Variants in ZNF227 observed in about 807,000 individuals in gnomAD.
ZNF227 encodes zinc finger protein 227.
Under a neutral mutation model 13.2 loss-of-function variants are expected in ZNF227, and 12 were observed. The observed-to-expected ratio is 0.91, with a 90% CI of 0.58 to 1.47. The LOEUF (loss-of-function observed/expected upper bound fraction) is 1.47. Among genes scored for constraint, ZNF227 ranks in the 40% most tolerant of loss-of-function variants. The pLI, the probability that ZNF227 is intolerant of heterozygous loss-of-function variation, is 0.00. For synonymous variants in ZNF227, 338 were observed against 326.0 expected, an observed-to-expected ratio of 1.04 and a Z score of -0.40; for missense variants, 885 against 967.5, an observed-to-expected ratio of 0.91 and a Z score of 1.13.
chr19:44,233,882 G>A (rs994680081), intron 5 of ZNF227, among the ~76,000 whole-genome samples: 7 of 151,880 alleles, frequency 4.6e-5, no homozygotes, highest in African/African-American at 2.4e-5. Context: ...GCGACAGAGC[G>A]AGACGCTGTT....
intron 5 of ZNF227, among the ~76,000 whole-genome samples, chr19:44,231,238 C>T (rs151189612): frequency 3.3e-5 from 5 of 151,630 alleles, no homozygotes; most frequent in South Asian, 2.1e-4. Context: ...CCTCAGCCTC[C>T]GAAGTTACTG....
chr19:44,221,880 GT>G (rs1234816081), intron 3 of ZNF227, among the ~76,000 whole-genome samples: 1 of 152,060 alleles, frequency 6.6e-6, no homozygotes, highest in African/African-American at 2.4e-5. Flanking sequence ...TTCTTCTAGG[GT>G]TTTTATGGTT....
chr19:44,235,731 A>G lies in ZNF227; in HGVS notation c.1301A>G (p.Lys434Arg). The G allele has an allele frequency of 1.2e-6, 2 of 1,614,146 alleles. No homozygotes were observed. Among genetic ancestry groups the G allele is most frequent in the Non-Finnish European group, 1.7e-6 (2 of 1,180,024 alleles). ...CATCAGAGAGTCCACACTGGAGAGA[A>G]ACCCTACAAGTGTGATGTGTGTGGT... ...HIHQRVHTGE[K>R]PYKCDVCGKG... Residue 434 changes from lysine (K) to arginine (R), a missense_variant, in exon 6 of 6, where the codon AAA (lysine) becomes AGA (arginine). Coordinates refer to ENST00000313040, the MANE Select transcript of ZNF227 (RefSeq NM_182490.3).
chr19:44,226,620 A>G (rs1407973658), intron 3 of ZNF227, among the ~76,000 whole-genome samples: 2 of 152,118 alleles, frequency 1.3e-5, no homozygotes, highest in Non-Finnish European at 2.9e-5. Context: ...TTTTAAGTCC[A>G]TTGGAAAAGC....
At chr19:44,234,261 G>A (rs1291730120) in intron 5 of ZNF227, among the ~76,000 whole-genome samples, 1 of 152,082 alleles carries the variant, frequency 6.6e-6, no homozygotes, top group African/African-American at 2.4e-5. Context: ...ATTTCTATCA[G>A]GATCTAAAAT....
rs756951115 is a variant in ZNF227 at position 44,235,754 on chromosome 19, G to C, written c.1324G>C (p.Gly442Arg). 4 of 1,614,094 alleles carry C rather than the reference G, an allele frequency of 2.5e-6. No individual in the cohort carries two copies. In the South Asian group the frequency reaches 4.4e-5, roughly 18 times the overall value. Residue 442 changes from glycine to arginine, a missense_variant, in exon 6 of 6, where the codon GGT becomes CGT. Coordinates refer to ENST00000313040, the MANE Select transcript of ZNF227 (RefSeq NM_182490.3). ...GAAACCCTACAAGTGTGATGTGTGT[G>C]GTAAGGGCTTCAGCCACAATTCACC... is the stretch of plus-strand genomic sequence containing the variant. ...GEKPYKCDVC[G>R]KGFSHNSPLI...
chr19:44,230,926 A>AAAAAAAAAAAAT (rs1555792168), intron 5 of ZNF227, among the ~76,000 whole-genome samples: 2 of 68,132 alleles, frequency 2.9e-5, no homozygotes, highest in African/African-American at 2.0e-4. Context: ...AAAAAAAAAA[A>AAAAAAAAAAAAT]ATATATATAT....
chr19:44,222,478 C>G (rs1331563700), intron 3 of ZNF227, among the ~76,000 whole-genome samples: 2 of 151,256 alleles, frequency 1.3e-5, no homozygotes, highest in African/African-American at 4.9e-5. Context: ...AGGTCCTTCA[C>G]ATCCCTTGTA....
intron 5 of ZNF227, 134 bp downstream of exon 5, chr19:44,229,950 T>C: frequency 2.1e-6 from 1 of 470,316 alleles, no homozygotes; most frequent in Non-Finnish European, 3.6e-6. Flanking sequence ...TCCATGCTGG[T>C]CTCCCCACCT....
At chr19:44,234,604 A>G in intron 5 of ZNF227, 98 bp from the exon 6 acceptor site, 1 of 1,167,682 alleles carries the variant, frequency 8.6e-7, no homozygotes, top group Non-Finnish European at 1.2e-6. Flanking sequence ...TGGTTTATCA[A>G]GGCTTTCTCC....
chr19:44,236,330 T>C lies in ZNF227; in HGVS notation c.1900T>C (p.Cys634Arg). The change falls in exon 6 of 6, where the codon TGT becomes CGT. Residue 634 changes from cysteine (C) to arginine (R), a missense_variant. Coordinates refer to ENST00000313040, the MANE Select transcript of ZNF227 (RefSeq NM_182490.3). ...RVHTGEKPYKCGVCGKGFSQS... is the reference protein window; with the variant it reads ...RVHTGEKPYKRGVCGKGFSQS... ...CCATACTGGAGAGAAGCCATACAAA[T>C]GTGGTGTCTGTGGTAAGGGCTTCAG... The C allele has an allele frequency of 2.5e-6, 4 of 1,614,042 alleles. No homozygotes were observed. Among genetic ancestry groups the C allele is most frequent in the Middle Eastern group, 1.7e-4 (1 of 6,060 alleles).
chr19:44,208,990 G>A (rs1237526681), upstream of ZNF227, among the ~76,000 whole-genome samples: 1 of 152,152 alleles, frequency 6.6e-6, no homozygotes, highest in African/African-American at 2.4e-5. Context: ...TGGGAGGATC[G>A]CTTGAGCTCA....
At position 44,212,565 on chromosome 19, in the gene ZNF227, A is replaced by C. The variant is rs1182716857; in HGVS notation, c.-178A>C. On this transcript the variant is annotated 5_prime_UTR_variant, in exon 1 of 6. Coordinates refer to ENST00000313040, the MANE Select transcript of ZNF227 (RefSeq NM_182490.3). Reference sequence around the variant, plus strand: ...TTCCGCCCCGGAAAGCGAGGCCGCCACCATCTTTTGGGTCCGGGAGGTGAG... The same window carrying C: ...TTCCGCCCCGGAAAGCGAGGCCGCCCCCATCTTTTGGGTCCGGGAGGTGAG... 1 of 152,178 alleles carries C rather than the reference A, an allele frequency of 6.6e-6. No individual in the cohort carries two copies. The highest frequency in any genetic ancestry group is 2.0e-4 in the East Asian group (1 of 5,120). 9.4% of individuals were successfully genotyped at this position (152,178 alleles called of 1,614,324 possible).
At chr19:44,222,596 T>G (rs1337240243) in intron 3 of ZNF227, among the ~76,000 whole-genome samples, 1 of 151,922 alleles carries the variant, frequency 6.6e-6, no homozygotes, top group African/African-American at 2.4e-5. Flanking sequence ...ATGCTTGTGA[T>G]TTTTGTACAT....
chr19:44,227,488 T>G (rs1306798392), intron 3 of ZNF227: 1 of 152,194 alleles, frequency 6.6e-6, no homozygotes, highest in Non-Finnish European at 1.5e-5. Context: ...CCTCAAGTGA[T>G]TTGCCCGCCT....
intron 5 of ZNF227, among the ~76,000 whole-genome samples, chr19:44,233,137 C>T (rs937305828): frequency 2.6e-5 from 4 of 151,998 alleles, no homozygotes; most frequent in African/African-American, 2.4e-5. Flanking sequence ...TGTAACATTT[C>T]ATTTAGGCAA....
At chr19:44,217,221 C>T (rs890592340) in intron 2 of ZNF227, among the ~76,000 whole-genome samples, 29 of 151,900 alleles carry the variant, frequency 1.9e-4, no homozygotes, top group Non-Finnish European at 3.7e-4. Context: ...TCCTTGGCCT[C>T]CTAAAGTGCT....
chr19:44,221,577 T>C (rs1256424660), intron 3 of ZNF227, among the ~76,000 whole-genome samples: 1 of 152,212 alleles, frequency 6.6e-6, no homozygotes, highest in Non-Finnish European at 1.5e-5. Context: ...GAAGTGTCTG[T>C]TCATGTCCTT....
At chr19:44,208,838 G>A (rs1418325598), upstream of ZNF227, among the ~76,000 whole-genome samples, 1 of 152,142 alleles carries the variant, frequency 6.6e-6, no homozygotes, top group African/African-American at 2.4e-5. Context: ...TAGAAATAAT[G>A]CATGACCATT....
Sources: allele counts gnomAD v4.1 joint callset (sites outside exome capture counted in the v4.1 genomes callset), GRCh38; gene constraint gnomAD v4.1.1; transcripts MANE v1.5; gene names NCBI Gene and HGNC (gene_info 2026-07-23, HGNC 2026-07-21).